Variants in TRIM14 observed in about 807,000 individuals in gnomAD.
TRIM14 encodes tripartite motif-containing protein 14.
TRIM14 carries 28 observed loss-of-function variants against 44.5 expected under a neutral mutation model. The ratio of observed to expected loss-of-function variants is 0.63; its 90% CI spans 0.47 to 0.86. TRIM14 has a LOEUF of 0.86. Among genes scored for constraint, TRIM14 ranks in the 40% least tolerant of loss-of-function variants. TRIM14 has a pLI of 0.00. For synonymous variants in TRIM14, 299 were observed against 269.2 expected (o/e 1.11, Z -1.08); for missense variants, 607 against 611.1 (o/e 0.99, Z 0.07).
chr9:98,096,075 G>A (rs934670136), intron 3 of TRIM14, among the ~76,000 whole-genome samples: 1 of 152,246 alleles, frequency 6.6e-6, no homozygotes, highest in African/African-American at 2.4e-5. Flanking sequence ...ACTGCCTCAG[G>A]TGATCAGGCT....
chr9:98,089,529 A>G (rs1023356593), intron 5 of TRIM14, among the ~76,000 whole-genome samples: 30 of 152,176 alleles, frequency 2.0e-4, no homozygotes, highest in African/African-American at 6.5e-4. Context: ...CCTTCACCAG[A>G]TAGTCCCTAC....
At chr9:98,078,352 G>A (rs758492001) in intron 6 of TRIM14, 1 of 1,613,510 alleles carries the variant, frequency 6.2e-7, no homozygotes, top group East Asian at 2.2e-5. Context: ...ATCTCGGTGA[G>A]CAGGAGGGAG....
the TRIM14 span, among the ~76,000 whole-genome samples, chr9:98,044,129 C>A: frequency 1.3e-5 from 2 of 151,118 alleles, no homozygotes; most frequent in Non-Finnish European, 2.9e-5. Context: ...TGAGGTGTTA[C>A]TGCCCTCTTA....
At chr9:98,040,371 C>T in the TRIM14 span, among the ~76,000 whole-genome samples, 2 of 152,096 alleles carry the variant, frequency 1.3e-5, no homozygotes, top group African/African-American at 4.8e-5. Context: ...CTGGTGTCTT[C>T]TCGTTCCTCA....
chr9:98,052,709 T>G, the TRIM14 span, among the ~76,000 whole-genome samples: 2 of 152,166 alleles, frequency 1.3e-5, no homozygotes, highest in Non-Finnish European at 2.9e-5. Flanking sequence ...TTTCTCCATG[T>G]TAGTCAAGCT....
intron 1 of TRIM14, among the ~76,000 whole-genome samples, chr9:98,111,850 A>G (rs1826866048): frequency 6.6e-6 from 1 of 152,182 alleles, no homozygotes; most frequent in Non-Finnish European, 1.5e-5. Context: ...AGGCAGGAGA[A>G]TCACTTGAAC....
At chr9:98,096,332 A>G (rs1472555578) in intron 3 of TRIM14, among the ~76,000 whole-genome samples, 1 of 152,162 alleles carries the variant, frequency 6.6e-6, no homozygotes, top group Non-Finnish European at 1.5e-5. Flanking sequence ...GAGCGCTGGA[A>G]TGGAGCTGGC....
downstream of TRIM14, among the ~76,000 whole-genome samples, chr9:98,079,804 C>T (rs1164228063): frequency 2.0e-5 from 3 of 152,218 alleles, no homozygotes; most frequent in African/African-American, 7.2e-5. Flanking sequence ...CCATCTTGGG[C>T]CTGCACATAG....
At chr9:98,091,603 A>C (rs935616389) in intron 5 of TRIM14, among the ~76,000 whole-genome samples, 1 of 152,220 alleles carries the variant, frequency 6.6e-6, no homozygotes, top group African/African-American at 2.4e-5. Context: ...AGATATATTA[A>C]ATATATCATT....
downstream of TRIM14, among the ~76,000 whole-genome samples, chr9:98,067,057 T>G (rs1012803128): frequency 1.3e-5 from 2 of 152,220 alleles, no homozygotes; most frequent in African/African-American, 2.4e-5. Flanking sequence ...ACATTGTGTT[T>G]TCATTTATGT....
At chr9:98,078,816 CAG>C (rs1028734442) in intron 6 of TRIM14, among the ~76,000 whole-genome samples, 5 of 127,984 alleles carry the variant, frequency 3.9e-5, no homozygotes, top group African/African-American at 3.2e-5. Flanking sequence ...GCCTGGGTGA[CAG>C]AGTGAGACTC....
downstream of TRIM14, among the ~76,000 whole-genome samples, chr9:98,066,849 C>T (rs1338110494): frequency 1.3e-5 from 2 of 152,130 alleles, no homozygotes; most frequent in Non-Finnish European, 2.9e-5. Context: ...CAGGGTTTCA[C>T]CATGTTGACC....
At chr9:98,109,794 G>T in intron 2 of TRIM14, 95 bp downstream of exon 2, 2 of 996,060 alleles carry the variant, frequency 2.0e-6, no homozygotes, top group Non-Finnish European at 1.5e-6. Flanking sequence ...CTTCGCAGTT[G>T]GTTTTTATTT....
chr9:98,037,656 A>C, the TRIM14 span, among the ~76,000 whole-genome samples: 1 of 152,146 alleles, frequency 6.6e-6, no homozygotes, highest in Non-Finnish European at 1.5e-5. Flanking sequence ...GTGGCAAAAA[A>C]TTAGGCAGGA....
the TRIM14 span, chr9:98,056,947 C>T: frequency 1.3e-6 from 2 of 1,572,408 alleles, no homozygotes; most frequent in African/African-American, 1.4e-5. Context: ...CAAGGTGAGG[C>T]GGCAGCTCCC....
chr9:98,116,713 G>A (rs948545523), intron 1 of TRIM14, among the ~76,000 whole-genome samples: 2 of 151,836 alleles, frequency 1.3e-5, no homozygotes, highest in Non-Finnish European at 2.9e-5. Context: ...GTGTGGTGGT[G>A]CATACCTATA....
intron 2 of TRIM14, among the ~76,000 whole-genome samples, chr9:98,102,643 G>C (rs1826441779): frequency 6.6e-6 from 1 of 152,158 alleles, no homozygotes; most frequent in Admixed American, 6.5e-5. Context: ...AATTTATAGA[G>C]ACAGAAAGTA....
chr9:98,092,693 C>T (rs1587949324), intron 4 of TRIM14, among the ~76,000 whole-genome samples: 1 of 152,232 alleles, frequency 6.6e-6, no homozygotes, highest in African/African-American at 2.4e-5. Flanking sequence ...CAGACCGTAG[C>T]CTGCACTTGT....
chr9:98,060,670 C>CTAAA, the TRIM14 span: 61 of 1,064,636 alleles, frequency 5.7e-5, no homozygotes, highest in Middle Eastern at 2.3e-4. Flanking sequence ...AACTCTGTCT[C>CTAAA]TAAATAAATA....
Sources: gnomAD v4.1 joint callset for allele counts (sites outside exome capture counted in the v4.1 genomes callset) on GRCh38, gnomAD v4.1.1 for gene constraint, MANE v1.5 for transcripts, NCBI Gene and HGNC (gene_info 2026-07-23, HGNC 2026-07-21) for gene names.